ADAMTS12: variants seen among roughly 807,000 people sequenced by gnomAD.
The protein encoded by ADAMTS12 is ADAM metallopeptidase with thrombospondin type 1 motif 12.
In ADAMTS12, 118 loss-of-function variants were observed where a neutral mutation model predicts 167.8. The observed-to-expected ratio is 0.70, with a 90% CI of 0.61 to 0.82. ADAMTS12 has a LOEUF of 0.82. Ranked by LOEUF, ADAMTS12 falls within the 40% of genes least tolerant of loss-of-function variation. The pLI is 0.00. For missense variants in ADAMTS12, 1,916 were observed against 1,998.8 expected (o/e 0.96, Z 0.79); for synonymous variants, 704 against 716.9 (o/e 0.98, Z 0.29).
intron 3 of ADAMTS12, among the ~76,000 whole-genome samples, chr5:33,694,544 A>T (rs1742682453): frequency 6.6e-6 from 1 of 152,256 alleles, no homozygotes; most frequent in South Asian, 2.1e-4. Flanking sequence ...GTTCGAAAAT[A>T]AGAGCCAGCA....
In ADAMTS12 at chr5:33,648,901, G is replaced by C; in HGVS notation, c.1400C>G (p.Ala467Gly). The change falls in exon 9 of 24, where the codon GCC becomes GGC. Residue 467 changes from alanine to glycine, a missense_variant. By Grantham distance (60) the Ala-to-Gly change is moderately conservative. Transcript: ENST00000504830. Reference protein sequence around the residue: ...KKKGLKSKVIAPGVIYDVHHQ... With the variant: ...KKKGLKSKVIGPGVIYDVHHQ... ...GTGAACATCATAGATCACTCCGGGGGCAATGACCTTGGACTTCAAGCCTTT... is the reference window on the plus strand; with the variant it reads ...GTGAACATCATAGATCACTCCGGGGCCAATGACCTTGGACTTCAAGCCTTT... 1.2e-6 allele frequency: 2 copies of C among 1,614,006 alleles called. No individual in the cohort carries two copies. Among genetic ancestry groups the C allele is most frequent in the South Asian group, 2.2e-5 (2 of 91,052 alleles).
intron 19 of ADAMTS12, 86 bp downstream of exon 19, chr5:33,575,968 C>T: frequency 6.6e-7 from 1 of 1,509,050 alleles, no homozygotes; most frequent in South Asian, 1.4e-5. Context: ...TATTTTAATG[C>T]AAACTCATTT....
At chr5:33,850,328 G>A (rs976346951) in intron 2 of ADAMTS12, among the ~76,000 whole-genome samples, 1 of 152,154 alleles carries the variant, frequency 6.6e-6, no homozygotes, top group African/African-American at 2.4e-5. Context: ...GACCTCAGGG[G>A]AAGCTGGCCA....
In ADAMTS12 at chr5:33,872,342, G is replaced by A. The variant is rs535188396; in HGVS notation, c.489+8777C>T. On this transcript the variant is annotated intron_variant, in intron 2 of 23. Coordinates refer to ENST00000504830, the MANE Select transcript of ADAMTS12 (RefSeq NM_030955.4). ...AGGTGGATCACGAGGTCAGGAGTTC[G>A]AGACCAGCCTGGCCAATATGGTGAA... 7.2e-5 allele frequency among the ~76,000 whole-genome samples: 11 copies of A among 152,166 alleles called. No individual in the cohort carries two copies. In the South Asian group the frequency reaches 1.0e-3, roughly 14 times the overall value.
At position 33,526,940 on chromosome 5, in the gene ADAMTS12, G is replaced by A. The variant is rs1195059297; in HGVS notation, c.*248C>T. 6.4e-6 allele frequency: 3 copies of A among 465,352 alleles called. No homozygotes were observed. The highest frequency in any genetic ancestry group is 7.1e-5 in the Admixed American group (2 of 28,000). 28.8% of individuals were successfully genotyped at this position (465,352 alleles called of 1,614,324 possible). ...TAACCTGGCACCTTTCCCAGGAGCCGATACCAGGTGCTGCCTGATTCTCCT... is the reference window on the plus strand; with the variant it reads ...TAACCTGGCACCTTTCCCAGGAGCCAATACCAGGTGCTGCCTGATTCTCCT... On this transcript the variant is annotated 3_prime_UTR_variant, in exon 24 of 24. Coordinates refer to ENST00000504830, the MANE Select transcript of ADAMTS12 (RefSeq NM_030955.4).
chr5:33,797,596 A>G (rs1746830659), intron 2 of ADAMTS12, among the ~76,000 whole-genome samples: 1 of 152,110 alleles, frequency 6.6e-6, no homozygotes, highest in South Asian at 2.1e-4. Context: ...GGTTCCCCAC[A>G]GAGAAATTCA....
In ADAMTS12 at chr5:33,524,728, G is replaced by A. The variant is rs1743733202; in HGVS notation, c.*2460C>T. 6.6e-6 allele frequency: 1 copy of A among 152,216 alleles called. No individual in the cohort carries two copies. Among genetic ancestry groups the A allele is most frequent in the Non-Finnish European group, 1.5e-5 (1 of 68,046 alleles). 9.4% of individuals were successfully genotyped at this position (152,216 alleles called of 1,614,324 possible). ...AACAGGACAGAAAACAGCAAGCCCT[G>A]TCTTCATTCTGGAGTCAAGAATGAT... is the stretch of plus-strand genomic sequence containing the variant. On this transcript the variant is annotated 3_prime_UTR_variant, in exon 24 of 24. Transcript: ENST00000504830.
intron 6 of ADAMTS12, among the ~76,000 whole-genome samples, chr5:33,661,334 G>A (rs139144208): frequency 2.4e-4 from 37 of 152,244 alleles, no homozygotes; most frequent in African/African-American, 7.7e-4. Flanking sequence ...AGTCCTGGAA[G>A]GTTTGATGGT....
Position 33,688,460 on chromosome 5 carries a change from A to T in ADAMTS12, c.635-4405T>A, listed in dbSNP as rs1160681703. Reference sequence around the variant, plus strand: ...ACTAACAGAACAGAAGTCCTAGAAGATCCCTGGAAAATGCAATTTACCGAG... The same window carrying T: ...ACTAACAGAACAGAAGTCCTAGAAGTTCCCTGGAAAATGCAATTTACCGAG... On this transcript the variant is annotated intron_variant, in intron 3 of 23. Transcript: ENST00000504830. 5.9e-5 allele frequency among the ~76,000 whole-genome samples: 9 copies of T among 152,192 alleles called. No homozygotes were observed. The East Asian group carries it at 1.7e-3, about 29-fold the overall frequency.
chr5:33,568,318 A>G (rs1000899652), intron 19 of ADAMTS12, among the ~76,000 whole-genome samples: 1 of 152,240 alleles, frequency 6.6e-6, no homozygotes, highest in Non-Finnish European at 1.5e-5. Flanking sequence ...AAGCGAAAAC[A>G]TAGCTCAAAT....
chr5:33,662,036 C>T lies in ADAMTS12; in HGVS notation c.920G>A (p.Gly307Glu). 1 of 1,609,288 alleles carries T rather than the reference C, an allele frequency of 6.2e-7. No individual in the cohort carries two copies. Among genetic ancestry groups the T allele is most frequent in the South Asian group, 1.1e-5 (1 of 91,014 alleles). ...TTCTGCATGGTGAACTATTTTCAGT[C>T]CTTGCTGGAGAAAGAAGAGGAAGAG... ...RLILLEEEEQ[G>E]LKIVHHAEKT... The change falls in exon 6 of 24, where the codon GGA becomes GAA. Residue 307 changes from glycine to glutamate, a missense_variant. By Grantham distance (98) the Gly-to-Glu change is moderately conservative. Coordinates refer to ENST00000504830, the MANE Select transcript of ADAMTS12 (RefSeq NM_030955.4).
At chr5:33,860,359 T>C (rs575110325) in intron 2 of ADAMTS12, among the ~76,000 whole-genome samples, 156 of 152,172 alleles carry the variant, frequency 1.0e-3, no homozygotes, top group African/African-American at 3.7e-3. Flanking sequence ...AAGAACTTCG[T>C]GAAGCATACA....
intron 3 of ADAMTS12, among the ~76,000 whole-genome samples, chr5:33,749,796 C>T (rs754827099): frequency 2.3e-4 from 35 of 152,092 alleles, no homozygotes; most frequent in Non-Finnish European, 4.7e-4. Context: ...CTTATCCATC[C>T]CTTCTGTTTT....
chr5:33,602,471 T>C (rs886888674), intron 16 of ADAMTS12, among the ~76,000 whole-genome samples: 7 of 152,242 alleles, frequency 4.6e-5, no homozygotes, highest in Non-Finnish European at 4.4e-5. Context: ...CCTCCTATTA[T>C]CTTTATGAAG....
At position 33,869,768 on chromosome 5, in the gene ADAMTS12, C is replaced by T. The variant is rs544638173; in HGVS notation, c.489+11351G>A. Among the ~76,000 whole-genome samples, 5 of 152,296 alleles carry T rather than the reference C, an allele frequency of 3.3e-5. No individual in the cohort carries two copies. The South Asian group carries it at 1.0e-3, about 32-fold the overall frequency. On this transcript the variant is annotated intron_variant, in intron 2 of 23. Coordinates refer to ENST00000504830, the MANE Select transcript of ADAMTS12 (RefSeq NM_030955.4). ...GAAGATCCATGTCCCACTGGGCACA[C>T]ATTGTCACTGATAAACATCAGGAAA...
chr5:33,607,077 G>A (rs1234801002), intron 16 of ADAMTS12, among the ~76,000 whole-genome samples: 1 of 152,024 alleles, frequency 6.6e-6, no homozygotes, highest in Admixed American at 6.6e-5. Flanking sequence ...TTTATAATAA[G>A]GTAATAAGCC....
chr5:33,784,143 C>CA (rs1453201090), intron 2 of ADAMTS12, among the ~76,000 whole-genome samples: 1 of 151,618 alleles, frequency 6.6e-6, no homozygotes, highest in Non-Finnish European at 1.5e-5. Flanking sequence ...AAGTCCTTGA[C>CA]AAAAATCACT....
chr5:33,634,254 G>A (rs1236545205), intron 12 of ADAMTS12, among the ~76,000 whole-genome samples: 1 of 152,070 alleles, frequency 6.6e-6, no homozygotes, highest in East Asian at 1.9e-4. Flanking sequence ...CCATTCACAG[G>A]CAGGGCTTCG....
chr5:33,717,596 A>T (rs1743660813), intron 3 of ADAMTS12, among the ~76,000 whole-genome samples: 1 of 152,116 alleles, frequency 6.6e-6, no homozygotes, highest in Non-Finnish European at 1.5e-5. Context: ...GTCTCTTTCA[A>T]ATACTCTCCT....
Sources: gnomAD v4.1 joint callset for allele counts (sites outside exome capture counted in the v4.1 genomes callset) on GRCh38, gnomAD v4.1.1 for gene constraint, MANE v1.5 for transcripts, NCBI Gene and HGNC (gene_info 2026-07-23, HGNC 2026-07-21) for gene names.